Variants in SH2D3A observed in about 807,000 individuals in gnomAD.
SH2D3A encodes SH2 domain containing 3A, also known as SH2 domain-containing protein 3A.
SH2D3A carries 46 observed loss-of-function variants against 50.6 expected under a neutral mutation model. The observed-to-expected ratio is 0.91, with a 90% CI of 0.72 to 1.16. The LOEUF is 1.16. Ranked by LOEUF, SH2D3A falls within the 50% of genes most tolerant of loss-of-function variation. SH2D3A has a pLI of 0.00. For missense variants in SH2D3A, 783 were observed against 786.2 expected (o/e 1.00, Z 0.05); for synonymous variants, 377 against 348.4 (o/e 1.08, Z -0.91).
At chr19:6,762,079 A>G (rs1970057827) in intron 2 of SH2D3A, among the ~76,000 whole-genome samples, 1 of 152,136 alleles carries the variant, frequency 6.6e-6, no homozygotes, top group Non-Finnish European at 1.5e-5. Context: ...GATGTAGCAG[A>G]CACACGTGTG....
At chr19:6,754,190 C>T (rs1969503702) in intron 7 of SH2D3A, 27 bp from the exon 8 acceptor site, 1 of 1,609,266 alleles carries the variant, frequency 6.2e-7, no homozygotes, top group African/African-American at 1.3e-5. Flanking sequence ...GAGCACGCCT[C>T]CTCTCCAGTC....
intron 8 of SH2D3A, 107 bp from the exon 9 acceptor site, chr19:6,753,748 C>T (rs1197518315): frequency 4.1e-6 from 5 of 1,234,226 alleles, no homozygotes; most frequent in Non-Finnish European, 5.4e-6. Flanking sequence ...TGAGCGACAG[C>T]GGGGTCTGTG....
rs774782268 is a variant in SH2D3A, at chr19:6,754,366, T to A, written c.1157A>T (p.Glu386Val). The change falls in exon 7 of 10, where the codon GAG becomes GTG. Residue 386 changes from glutamate to valine, a missense_variant. By Grantham distance (121) the Glu-to-Val change is moderately radical. Transcript: ENST00000245908. ...TCCCCTCAGTGCGGCTGCGCGCTCC[T>A]CCAGCGGCCCCGAGCAGCCCAGCAC... The part of the protein sequence containing the change: ...LAVLGCSGPL[E>V]ERAAALRGLV... The A allele has an allele frequency of 4.8e-5, 75 of 1,563,494 alleles. No homozygotes were observed. The highest frequency in any genetic ancestry group is 6.2e-5 in the Non-Finnish European group (72 of 1,162,016).
At chr19:6,755,620 C>A (rs542989160) in intron 4 of SH2D3A, among the ~76,000 whole-genome samples, 63 of 150,868 alleles carry the variant, frequency 4.2e-4, no homozygotes, top group Admixed American at 2.8e-3. Context: ...AATTCCTAGT[C>A]TCAAGCAATC....
rs753007987 is a variant in SH2D3A at position 6,755,040 on chromosome 19, AC to A, written c.771del (p.Trp257CysfsTer68). 3 of 1,613,872 alleles carry A rather than the reference AC, an allele frequency of 1.9e-6. No homozygotes were observed. The Admixed American group carries it at 5.0e-5, about 27-fold the overall frequency. ...SQSCPEPEAP[W>X]WEAEEDEEEE... is the part of the protein sequence containing the mutation. ...TCCTCCTCATCCTCCTCGGCCTCCC[AC>A]CATGGGGCCTCTGGCTCTGGGCAGC... On this transcript the variant is annotated frameshift_variant, in exon 5 of 10. Coordinates refer to ENST00000245908, the MANE Select transcript of SH2D3A (RefSeq NM_005490.3). LOFTEE classifies it high-confidence loss of function.
chr19:6,756,650 A>C (rs1273466326), intron 4 of SH2D3A, among the ~76,000 whole-genome samples: 1 of 152,022 alleles, frequency 6.6e-6, no homozygotes, highest in African/African-American at 2.4e-5. Context: ...GACTTTTGGG[A>C]GACTGTATTT....
At chr19:6,767,097 ACCCAAGGGTTTTAAGTGAAGGAGGGGC>A (rs1352979979) in intron 1 of SH2D3A, among the ~76,000 whole-genome samples, 1 of 152,082 alleles carries the variant, frequency 6.6e-6, no homozygotes, top group Non-Finnish European at 1.5e-5. Flanking sequence ...AATCTCTATG[ACCCAAGGGTTTTAAGTGAAGGAGGGGC>A]CCGATCTGAT....
chr19:6,758,606 C>G (rs10401463), intron 4 of SH2D3A: 15,378 of 152,208 alleles, frequency 0.1, 848 homozygotes, highest in African/African-American at 0.13. Flanking sequence ...CCTGGCCTTC[C>G]CTTCCTGTGT....
At chr19:6,763,346 G>C (rs1025773495) in intron 2 of SH2D3A, among the ~76,000 whole-genome samples, 3 of 152,116 alleles carry the variant, frequency 2.0e-5, no homozygotes, top group African/African-American at 4.8e-5. Flanking sequence ...TTACAGGCGT[G>C]AGCCACCATG....
chr19:6,764,454 AT>A (rs1970196426), intron 1 of SH2D3A: 1 of 152,130 alleles, frequency 6.6e-6, no homozygotes, highest in Non-Finnish European at 1.5e-5. Flanking sequence ...ATGCCACCCC[AT>A]CTTGCAGAAA....
At chr19:6,757,919 G>A (rs1969787361) in intron 4 of SH2D3A, 1 of 151,896 alleles carries the variant, frequency 6.6e-6, no homozygotes, top group Non-Finnish European at 1.5e-5. Flanking sequence ...CTCCATCCTG[G>A]GCAACAAGAG....
Position 6,752,344 on chromosome 19 carries a change from G to C in SH2D3A, c.*249C>G. The C allele has an allele frequency of 2.6e-6, 1 of 385,362 alleles. No individual in the cohort carries two copies. 23.9% of individuals were successfully genotyped at this position (385,362 alleles called of 1,614,324 possible). The stretch of plus-strand genomic sequence containing the variant: ...TTTTGTTAAAGGCCGACACAGAGGT[G>C]AAGTCAACTGCTAGAAATCACGGCT... On this transcript the variant is annotated 3_prime_UTR_variant, in exon 10 of 10. Transcript: ENST00000245908.
At position 6,760,659 on chromosome 19, in the gene SH2D3A, G is replaced by A. The variant is rs1969960011; in HGVS notation, c.398C>T (p.Pro133Leu). ...GTACCTGAGAGGCTCTATCCGAGCT[G>A]GGCCATCCATCAGGGTGTCCTCGCT... is the stretch of plus-strand genomic sequence containing the variant. ...SFSEDTLMDG[P>L]ARIEPLRARK... The change falls in exon 3 of 10, where the codon CCA becomes CTA. Residue 133 changes from proline (P) to leucine (L), a missense_variant. By Grantham distance (98) the Pro-to-Leu change is moderately conservative. Transcript: ENST00000245908. 6.3e-7 allele frequency: 1 copy of A among 1,594,932 alleles called. No homozygotes were observed. The highest frequency in any genetic ancestry group is 1.7e-5 in the Admixed American group (1 of 58,534).
chr19:6,752,960 T>G (rs1969404309), intron 9 of SH2D3A: 1 of 985,158 alleles, frequency 1.0e-6, no homozygotes, highest in African/African-American at 1.7e-5. Flanking sequence ...CCTGAGGGGC[T>G]CTACCGCAGT....
intron 3 of SH2D3A, among the ~76,000 whole-genome samples, chr19:6,760,354 C>A (rs1471343233): frequency 1.3e-5 from 2 of 151,870 alleles, no homozygotes; most frequent in African/African-American, 4.8e-5. Context: ...CCAGCCTGGG[C>A]AACAGAGTGA....
chr19:6,753,437 G>A lies in SH2D3A; in HGVS notation c.1570+19C>T, dbSNP rs1284792807. On this transcript the variant is annotated intron_variant, in intron 9 of 9. Coordinates refer to ENST00000245908, the MANE Select transcript of SH2D3A (RefSeq NM_005490.3). ...AGGGTGCTCTGAAGTCTGCAGTCCA[G>A]CGCAGAGGGAACGCTCACCTCGCAG... The A allele has an allele frequency of 5.4e-6, 8 of 1,485,212 alleles. No individual in the cohort carries two copies. Among genetic ancestry groups the A allele is most frequent in the African/African-American group, 2.8e-5 (2 of 71,544 alleles). 92.0% of individuals were successfully genotyped at this position (1,485,212 alleles called of 1,614,324 possible).
At chr19:6,763,642 C>T (rs749059042) in intron 2 of SH2D3A, 38 bp downstream of exon 2, 1 of 1,598,016 alleles carries the variant, frequency 6.3e-7, no homozygotes, top group Non-Finnish European at 8.5e-7. Context: ...GGAGAGGCTC[C>T]CCACCAGATG....
Position 6,754,437 on chromosome 19 carries a change from G to C in SH2D3A, c.1098-12C>G. 6.5e-7 allele frequency: 1 copy of C among 1,527,578 alleles called. No individual in the cohort carries two copies. The highest frequency in any genetic ancestry group is 8.7e-7 in the Non-Finnish European group (1 of 1,146,404). The allele number at this position is 1,527,578 out of a possible 1,614,324, so 94.6% of individuals were successfully genotyped here. ...CCAGTGTCTGATGCCTGCAGAGGTG[G>C]AGGGCAAGGGTCTGGGGGAAGTGGG... On this transcript the variant is annotated splice_polypyrimidine_tract_variant and intron_variant, in intron 6 of 9. Coordinates refer to ENST00000245908, the MANE Select transcript of SH2D3A (RefSeq NM_005490.3).
Position 6,754,251 on chromosome 19 carries a change from C to A in SH2D3A, c.1272G>T (p.Gln424His). Residue 424 changes from glutamine to histidine, a missense_variant and splice_region_variant, in exon 7 of 10, where the codon CAG becomes CAT. Coordinates refer to ENST00000245908, the MANE Select transcript of SH2D3A (RefSeq NM_005490.3). ...AAVMGALLMP[Q>H]VSRLEHTWRQ... Reference sequence around the variant, plus strand: ...CCTCCAGTCCCTGCTCCCCACGAACCTGGGGCATGAGCAGGGCGCCCATGA... The same window carrying A: ...CCTCCAGTCCCTGCTCCCCACGAACATGGGGCATGAGCAGGGCGCCCATGA... The A allele has an allele frequency of 6.2e-7, 1 of 1,600,438 alleles. No homozygotes were observed. The highest frequency in any genetic ancestry group is 1.1e-5 in the South Asian group (1 of 90,242).
Sources: allele counts gnomAD v4.1 joint callset (sites outside exome capture counted in the v4.1 genomes callset), GRCh38; gene constraint gnomAD v4.1.1; transcripts MANE v1.5; gene names NCBI Gene and HGNC (gene_info 2026-07-23, HGNC 2026-07-21).